The following SBSPON variants were observed in gnomAD, a reference collection of about 807,000 sequenced individuals.
SBSPON encodes somatomedin-B and thrombospondin type-1 domain-containing protein.
Under a neutral mutation model 35.8 loss-of-function variants are expected in SBSPON, and 30 were observed. The observed-to-expected ratio is 0.84, with a 90% CI of 0.63 to 1.14. The LOEUF is 1.14. Ranked by LOEUF, SBSPON falls within the 50% of genes most tolerant of loss-of-function variation. The pLI is 0.00. For synonymous variants in SBSPON, 136 were observed against 135.9 expected (o/e 1.00, Z 0.00); for missense variants, 364 against 357.7 (o/e 1.02, Z -0.14).
Position 73,071,813 on chromosome 8 carries a change from G to A in SBSPON, c.467C>T (p.Ser156Phe). 2 of 1,610,266 alleles carry A rather than the reference G, an allele frequency of 1.2e-6. No homozygotes were observed. Among genetic ancestry groups the A allele is most frequent in the Non-Finnish European group, 1.7e-6 (2 of 1,177,110 alleles). Residue 156 changes from serine to phenylalanine, a missense_variant, in exon 3 of 5, where the codon TCT becomes TTT. Coordinates refer to ENST00000297354, the MANE Select transcript of SBSPON (RefSeq NM_153225.4). ...FNKERTRQAT[S>F]PHWSTHTEDA... ...CTCTGTGTGTGTAGACCAGTGTGGA[G>A]ACGTAGCTTGTCGTGTTCTCTCCTT...
Position 73,081,199 on chromosome 8 carries a change from C to T in SBSPON, c.229G>A (p.Val77Met), listed in dbSNP as rs34779027. 29 of 1,585,832 alleles carry T rather than the reference C, an allele frequency of 1.8e-5. No homozygotes were observed. Among genetic ancestry groups the T allele is most frequent in the African/African-American group, 4.0e-5 (3 of 74,164 alleles). Residue 77 changes from valine (V) to methionine (M), a missense_variant, in exon 2 of 5, where the codon GTG becomes ATG. Coordinates refer to ENST00000297354, the MANE Select transcript of SBSPON (RefSeq NM_153225.4). ...CCACTCCAGGGGCTCCATTCCCCCACGAAGCACGGGCGAGCTGAAAAACAG... is the reference window on the plus strand; with the variant it reads ...CCACTCCAGGGGCTCCATTCCCCCATGAAGCACGGGCGAGCTGAAAAACAG... ...DRACPARPCF[V>M]GEWSPWSGCA...
chr8:73,078,954 G>A (rs184186692), intron 2 of SBSPON, among the ~76,000 whole-genome samples: 32 of 152,100 alleles, frequency 2.1e-4, no homozygotes, highest in Admixed American at 9.8e-4. Flanking sequence ...CCCACATGCC[G>A]ACCTTCCTTT....
chr8:73,072,895 T>A (rs931576347), intron 2 of SBSPON, among the ~76,000 whole-genome samples: 1 of 145,726 alleles, frequency 6.9e-6, no homozygotes, highest in Non-Finnish European at 1.5e-5. Flanking sequence ...CCCCCAACTC[T>A]GATGCTCTGG....
intron 3 of SBSPON, among the ~76,000 whole-genome samples, chr8:73,071,513 A>G (rs1272692312): frequency 3.3e-5 from 5 of 152,222 alleles, no homozygotes; most frequent in African/African-American, 7.2e-5. Context: ...AGTATGATTG[A>G]TAAAATAAGC....
chr8:73,077,816 A>G (rs1022721668), intron 2 of SBSPON, among the ~76,000 whole-genome samples: 1 of 152,178 alleles, frequency 6.6e-6, no homozygotes, highest in African/African-American at 2.4e-5. Flanking sequence ...TCCATAGAAA[A>G]GGGGATCATA....
rs762423900 is a variant in SBSPON at position 73,071,824 on chromosome 8, T to C, written c.456A>G (p.Arg152=). 1.9e-6 allele frequency: 3 copies of C among 1,612,090 alleles called. No individual in the cohort carries two copies. In the Admixed American group the frequency reaches 5.0e-5, roughly 27 times the overall value. Residue 152 remains arginine, a synonymous_variant, in exon 3 of 5, where the codon CGA becomes CGG. Transcript: ENST00000297354. ...TTSAFNKERT[R]QATSPHWSTH... ...TAGACCAGTGTGGAGACGTAGCTTGTCGTGTTCTCTCCTTGTTGAATGCAG... is the reference window on the plus strand; with the variant it reads ...TAGACCAGTGTGGAGACGTAGCTTGCCGTGTTCTCTCCTTGTTGAATGCAG...
chr8:73,083,017 G>C (rs569900265), intron 1 of SBSPON, among the ~76,000 whole-genome samples: 1 of 152,332 alleles, frequency 6.6e-6, no homozygotes, highest in East Asian at 1.9e-4. Flanking sequence ...ATATGGCCTT[G>C]AATTAGACTT....
intron 2 of SBSPON, among the ~76,000 whole-genome samples, chr8:73,075,054 G>T (rs1337105411): frequency 1.3e-5 from 2 of 152,176 alleles, no homozygotes; most frequent in Admixed American, 1.3e-4. Flanking sequence ...TCCATTTTCT[G>T]TTTGTGGTAG....
At chr8:73,074,341 A>C (rs1319504695) in intron 2 of SBSPON, among the ~76,000 whole-genome samples, 6 of 152,218 alleles carry the variant, frequency 3.9e-5, no homozygotes, top group Non-Finnish European at 1.5e-5. Context: ...TTCTTGGAAA[A>C]GGTTCTATAA....
intron 2 of SBSPON, among the ~76,000 whole-genome samples, chr8:73,074,773 AAGG>A (rs1181982828): frequency 1.3e-5 from 2 of 152,230 alleles, no homozygotes; most frequent in South Asian, 4.1e-4. Context: ...TGAGAGAGGT[AAGG>A]AGGCCAGGGA....
chr8:73,093,081 G>A lies in SBSPON; in HGVS notation c.-14C>T, dbSNP rs1810969532. On this transcript the variant is annotated 5_prime_UTR_variant, in exon 1 of 5. Coordinates refer to ENST00000297354, the MANE Select transcript of SBSPON (RefSeq NM_153225.4). ...CAGGGTCCTCATGGCCAGGGCTCCG[G>A]CGGCGCCTGCGACGCGACAGACCCC... 5 of 1,307,780 alleles carry A rather than the reference G, an allele frequency of 3.8e-6. No individual in the cohort carries two copies. The highest frequency in any genetic ancestry group is 4.9e-6 in the Non-Finnish European group (5 of 1,029,268). 81.0% of individuals were successfully genotyped at this position (1,307,780 alleles called of 1,614,324 possible).
chr8:73,073,822 AAAAC>A (rs1027259606), intron 2 of SBSPON, among the ~76,000 whole-genome samples: 12 of 152,004 alleles, frequency 7.9e-5, no homozygotes, highest in Admixed American at 1.3e-4. Context: ...AACAAAAACA[AAAAC>A]AAAAAAAAAC....
Position 73,067,015 on chromosome 8 carries a change from G to A in SBSPON, c.*326C>T, listed in dbSNP as rs529824462. On this transcript the variant is annotated 3_prime_UTR_variant, in exon 5 of 5. Transcript: ENST00000297354. ...AATGACACTTCCGTCACCAATAATC[G>A]GACTGAGTTACAGTAATTTTACTTT... The A allele has an allele frequency of 5.1e-5, 10 of 195,160 alleles. No homozygotes were observed. Among genetic ancestry groups the A allele is most frequent in the East Asian group, 1.1e-4 (1 of 8,942 alleles). 12.1% of individuals were successfully genotyped at this position (195,160 alleles called of 1,614,324 possible).
chr8:73,086,740 A>T (rs890208703), intron 1 of SBSPON, among the ~76,000 whole-genome samples: 11 of 152,174 alleles, frequency 7.2e-5, no homozygotes, highest in African/African-American at 2.7e-4. Context: ...TTTATATACT[A>T]TGTAACCCAG....
rs1246705967 is a variant in SBSPON at position 73,065,101 on chromosome 8, T to C, written c.*2240A>G. ...GCTTTGCTAAAATTAATAACAAGCT[T>C]TTCAAAACTGTTATTTAACAGTTAA... On this transcript the variant is annotated 3_prime_UTR_variant, in exon 5 of 5. Coordinates refer to ENST00000297354, the MANE Select transcript of SBSPON (RefSeq NM_153225.4). 1 of 152,226 alleles carries C rather than the reference T, an allele frequency of 6.6e-6. No individual in the cohort carries two copies. The highest frequency in any genetic ancestry group is 1.5e-5 in the Non-Finnish European group (1 of 68,042). 9.4% of individuals were successfully genotyped at this position (152,226 alleles called of 1,614,324 possible).
chr8:73,081,300 G>C (rs1020347148), intron 1 of SBSPON, 87 bp from the exon 2 acceptor site: 2 of 1,205,658 alleles, frequency 1.7e-6, no homozygotes, highest in Non-Finnish European at 2.3e-6. Flanking sequence ...GCTGAGTTTA[G>C]CTCCATGTAA....
chr8:73,068,234 C>T (rs997372416), intron 4 of SBSPON, among the ~76,000 whole-genome samples: 5 of 152,188 alleles, frequency 3.3e-5, no homozygotes, highest in South Asian at 2.1e-4. Flanking sequence ...AAAACCAAAA[C>T]ATGGATGAGG....
At position 73,081,139 on chromosome 8, in the gene SBSPON, G is replaced by T. The variant is rs200486831; in HGVS notation, c.289C>A (p.Arg97=). Residue 97 remains arginine (R), a synonymous_variant, in exon 2 of 5, where the codon CGG becomes AGG. Coordinates refer to ENST00000297354, the MANE Select transcript of SBSPON (RefSeq NM_153225.4). The stretch of plus-strand genomic sequence containing the variant: ...GGCTCCTGCTGCACCGAGCGCCTCC[G>T]CACACGGGTTGTAGGCTTGCACTGG... ...ADQCKPTTRV[R]RRSVQQEPQN... 2 of 1,613,132 alleles carry T rather than the reference G, an allele frequency of 1.2e-6. No individual in the cohort carries two copies.
At chr8:73,080,356 A>G (rs1810672229) in intron 2 of SBSPON, among the ~76,000 whole-genome samples, 1 of 152,118 alleles carries the variant, frequency 6.6e-6, no homozygotes, top group Non-Finnish European at 1.5e-5. Flanking sequence ...CTACTAAAAA[A>G]TACAAAAAAT....
Sources: allele counts gnomAD v4.1 joint callset (sites outside exome capture counted in the v4.1 genomes callset), GRCh38; gene constraint gnomAD v4.1.1; transcripts MANE v1.5; gene names NCBI Gene and HGNC (gene_info 2026-07-23, HGNC 2026-07-21).